Variants in ERC1 observed in about 807,000 individuals in gnomAD.
ERC1 encodes RAB6 interacting protein 2.
A neutral mutation model predicts 132.0 loss-of-function variants in ERC1; 56 were observed. The ratio of observed to expected loss-of-function variants is 0.42; its 90% CI spans 0.34 to 0.53. The LOEUF (loss-of-function observed/expected upper bound fraction) is 0.53, where lower values mean the gene tolerates loss of function less well. Among genes scored for constraint, ERC1 ranks in the 20% least tolerant of loss-of-function variants. The probability of loss-of-function intolerance (pLI) is 0.03; values close to 1 mark genes in which losing one functional copy is unlikely to be tolerated. For missense variants in ERC1, 1,202 were observed against 1,349.9 expected, an observed-to-expected ratio of 0.89 and a Z score of 1.72; for synonymous variants, 478 against 476.1, an observed-to-expected ratio of 1.00 and a Z score of -0.05.
intron 12 of ERC1, among the ~76,000 whole-genome samples, chr12:1,196,949 CACACACACACACATATATAT>C (rs1956357134): frequency 2.7e-5 from 1 of 37,460 alleles, no homozygotes; most frequent in African/African-American, 4.0e-4. Flanking sequence ...CACACACACA[CACACACACACACATATATAT>C]ATATATATTT....
At chr12:1,096,623 G>A (rs1486282246) in intron 3 of ERC1, among the ~76,000 whole-genome samples, 1 of 152,250 alleles carries the variant, frequency 6.6e-6, no homozygotes, top group Admixed American at 6.5e-5. Context: ...AGGCAGGTGA[G>A]AGATTATTAT....
In ERC1 at chr12:1,426,810, T is replaced by C. The variant is rs561707334; in HGVS notation, c.3025-17752T>C. 3.9e-5 allele frequency among the ~76,000 whole-genome samples: 6 copies of C among 152,314 alleles called. No individual in the cohort carries two copies. In the South Asian group the frequency reaches 1.2e-3, roughly 32 times the overall value. ...TTGTACCTCTAAATTCAATGTGTCG[T>C]TCTTTTTTTCTTCATAATTTAGAGT... On this transcript the variant is annotated intron_variant, in intron 17 of 18. Coordinates refer to ENST00000360905, the MANE Select transcript of ERC1 (RefSeq NM_178040.4).
chr12:1,155,620 G>C (rs1310052048), intron 8 of ERC1, among the ~76,000 whole-genome samples: 1 of 152,046 alleles, frequency 6.6e-6, no homozygotes, highest in East Asian at 1.9e-4. Flanking sequence ...GGGACCACAG[G>C]CACGTGCCAC....
intron 18 of ERC1, among the ~76,000 whole-genome samples, chr12:1,489,419 T>C (rs571108079): frequency 6.6e-6 from 1 of 152,324 alleles, no homozygotes; most frequent in South Asian, 2.1e-4. Context: ...TTTATCTGTT[T>C]ACATGCTTGT....
At chr12:1,416,962 C>A (rs150832903) in intron 17 of ERC1, among the ~76,000 whole-genome samples, 440 of 152,196 alleles carry the variant, frequency 2.9e-3, no homozygotes, top group African/African-American at 0.01. Flanking sequence ...CCCTTCTTCA[C>A]TTTCTCTGTC....
intron 15 of ERC1, among the ~76,000 whole-genome samples, chr12:1,343,256 C>T (rs1296682574): frequency 6.6e-6 from 1 of 152,168 alleles, no homozygotes; most frequent in African/African-American, 2.4e-5. Context: ...AGACTTCATC[C>T]TTCAAAAGGG....
At chr12:1,447,693 A>C (rs973190104) in intron 18 of ERC1, among the ~76,000 whole-genome samples, 3 of 151,268 alleles carry the variant, frequency 2.0e-5, no homozygotes, top group Non-Finnish European at 4.4e-5. Context: ...TCTGTCACCC[A>C]GGCTGGAGTG....
intron 8 of ERC1, among the ~76,000 whole-genome samples, chr12:1,167,341 CT>C (rs1418296496): frequency 1.3e-5 from 2 of 152,224 alleles, no homozygotes; most frequent in East Asian, 3.8e-4. Context: ...GACATAAATT[CT>C]CTTACATTGC....
intron 12 of ERC1, among the ~76,000 whole-genome samples, chr12:1,230,961 A>C (rs2074985042): frequency 6.6e-6 from 1 of 152,200 alleles, no homozygotes; most frequent in African/African-American, 2.4e-5. Context: ...CCTTACAGCT[A>C]AAGTGAGTCT....
intron 8 of ERC1, among the ~76,000 whole-genome samples, chr12:1,145,541 C>A (rs188231978): frequency 9.3e-4 from 141 of 152,218 alleles, no homozygotes; most frequent in Non-Finnish European, 1.7e-3. Flanking sequence ...GTTTACTCTT[C>A]TGACTATTTC....
intron 15 of ERC1, among the ~76,000 whole-genome samples, chr12:1,304,426 A>T (rs73031299): frequency 0.035 from 5,280 of 152,300 alleles, 100 homozygotes; most frequent in Middle Eastern, 0.075. Flanking sequence ...GTGCCAAGTC[A>T]TTGAGGAGGG....
At chr12:1,467,389 A>G (rs2093764890) in intron 18 of ERC1, among the ~76,000 whole-genome samples, 1 of 152,100 alleles carries the variant, frequency 6.6e-6, no homozygotes, top group South Asian at 2.1e-4. Context: ...TACAAACAGG[A>G]AGAGACTGGG....
Position 1,210,227 on chromosome 12 carries a change from T to G in ERC1, c.2351+20175T>G, listed in dbSNP as rs185424716. ...ACCTCTAGTTTCTGTTGTCCATGTA[T>G]GTGGCTTTGAGGTCTCAGAATTTGA... On this transcript the variant is annotated intron_variant, in intron 12 of 18. Coordinates refer to ENST00000360905, the MANE Select transcript of ERC1 (RefSeq NM_178040.4). 2.0e-5 allele frequency among the ~76,000 whole-genome samples: 3 copies of G among 152,328 alleles called. No homozygotes were observed. In the East Asian group the frequency reaches 5.8e-4, roughly 29 times the overall value.
Position 1,132,682 on chromosome 12 carries a change from C to T in ERC1, c.1570-8938C>T, listed in dbSNP as rs140110550. On this transcript the variant is annotated intron_variant, in intron 7 of 18. Coordinates refer to ENST00000360905, the MANE Select transcript of ERC1 (RefSeq NM_178040.4). Reference sequence around the variant, plus strand: ...CTTAGAAGTGATGAGGGATGTGTTCCTACATACAGATCCATGTCCCGCAGA... The same window carrying T: ...CTTAGAAGTGATGAGGGATGTGTTCTTACATACAGATCCATGTCCCGCAGA... Among the ~76,000 whole-genome samples the T allele has an allele frequency of 4.0e-3, 596 of 149,624 alleles. 7 individuals carry two copies. The highest frequency in any genetic ancestry group is 0.012 in the African/African-American group (504 of 40,760).
intron 12 of ERC1, among the ~76,000 whole-genome samples, chr12:1,215,217 G>A (rs1228915133): frequency 1.3e-5 from 2 of 152,176 alleles, no homozygotes; most frequent in African/African-American, 4.8e-5. Flanking sequence ...GGGCCAATGA[G>A]AAAAGAACAG....
chr12:1,241,844 C>CTCCT (rs2075816282), intron 13 of ERC1, among the ~76,000 whole-genome samples: 1 of 98,280 alleles, frequency 1.0e-5, no homozygotes, highest in Non-Finnish European at 2.1e-5. Flanking sequence ...ATTTCTTCTT[C>CTCCT]TTCTTTTTTT....
chr12:1,369,754 C>T (rs1159592174), intron 15 of ERC1, among the ~76,000 whole-genome samples: 3 of 152,048 alleles, frequency 2.0e-5, no homozygotes, highest in Admixed American at 6.6e-5. Flanking sequence ...ACTGGATCCT[C>T]GTGGTATAAG....
At chr12:1,204,406 T>C (rs1957174169) in intron 12 of ERC1, 1 of 1,027,124 alleles carries the variant, frequency 9.7e-7, no homozygotes, top group South Asian at 1.5e-5. Flanking sequence ...CTGCATTTTA[T>C]GATGTCCATG....
rs781088203 is a variant in ERC1, at chr12:1,190,100, T to C, written c.2351+48T>C. 13 of 1,498,144 alleles carry C rather than the reference T, an allele frequency of 8.7e-6. No homozygotes were observed. The South Asian group carries it at 1.4e-4, about 16-fold the overall frequency. 92.8% of individuals were successfully genotyped at this position (1,498,144 alleles called of 1,614,324 possible). A position where few individuals can be genotyped will look rare whatever the true frequency, so the allele number is the denominator to read the frequency against. On this transcript the variant is annotated intron_variant, in intron 12 of 18. Transcript: ENST00000360905. ...GGCTTATGAGGTTAAAGTATGGTTT[T>C]AAAAGTATGCTTTTGGGGACATACT...
Sources: gnomAD v4.1 joint callset for allele counts (sites outside exome capture counted in the v4.1 genomes callset) on GRCh38, gnomAD v4.1.1 for gene constraint, MANE v1.5 for transcripts, NCBI Gene and HGNC (gene_info 2026-07-23, HGNC 2026-07-21) for gene names.